PARD3B: variants seen among roughly 807,000 people sequenced by gnomAD.
PARD3B encodes the protein par-3 family cell polarity regulator beta.
In PARD3B, 103 loss-of-function variants were observed where a neutral mutation model predicts 130.2. The observed-to-expected ratio is 0.79, with a 90% CI of 0.67 to 0.93. The LOEUF (loss-of-function observed/expected upper bound fraction) is 0.93. Among genes scored for constraint, PARD3B ranks in the 40% least tolerant of loss-of-function variants. The probability of loss-of-function intolerance (pLI) is 0.00; values close to 1 mark genes in which losing one functional copy is unlikely to be tolerated. For missense variants in PARD3B, 1,609 were observed against 1,499.2 expected (o/e 1.07, Z -1.21); for synonymous variants, 583 against 553.2 (o/e 1.05, Z -0.76).
intron 2 of PARD3B, among the ~76,000 whole-genome samples, chr2:204,738,582 A>G (rs1037001325): frequency 3.3e-5 from 5 of 152,214 alleles, no homozygotes; most frequent in African/African-American, 9.6e-5. Flanking sequence ...TGAGTTCTCT[A>G]ATTAGGGTCT....
chr2:205,196,552 C>A (rs2036692952), intron 15 of PARD3B, among the ~76,000 whole-genome samples: 1 of 152,022 alleles, frequency 6.6e-6, no homozygotes, highest in Non-Finnish European at 1.5e-5. Flanking sequence ...ATATTTTCAT[C>A]ATTTCTTCTT....
intron 22 of PARD3B, among the ~76,000 whole-genome samples, chr2:205,583,400 T>TGC (rs1553553120): frequency 1.9e-4 from 26 of 133,890 alleles, no homozygotes; most frequent in African/African-American, 6.6e-4. Flanking sequence ...TGTGTGTGTG[T>TGC]GCGCGCGCAC....
intron 1 of PARD3B, among the ~76,000 whole-genome samples, chr2:204,567,667 T>A (rs914443247): frequency 1.3e-5 from 2 of 152,234 alleles, no homozygotes; most frequent in African/African-American, 4.8e-5. Context: ...AGTGCCACTG[T>A]GAACATGAGT....
chr2:204,709,513 C>T (rs948003544), intron 2 of PARD3B, among the ~76,000 whole-genome samples: 1 of 152,120 alleles, frequency 6.6e-6, no homozygotes, highest in Non-Finnish European at 1.5e-5. Context: ...TCTTTTATGA[C>T]CTCTAGGTTA....
intron 20 of PARD3B, among the ~76,000 whole-genome samples, chr2:205,487,908 TATC>T (rs2049507888): frequency 1.3e-5 from 2 of 152,358 alleles, no homozygotes; most frequent in East Asian, 3.9e-4. Context: ...GTATTAGTGT[TATC>T]ATTAATTTGT....
At chr2:204,865,103 C>T (rs1030050439) in intron 2 of PARD3B, among the ~76,000 whole-genome samples, 4 of 151,668 alleles carry the variant, frequency 2.6e-5, no homozygotes, top group East Asian at 1.9e-4. Flanking sequence ...CATGCAAGAA[C>T]GGCCATAATA....
chr2:205,566,629 C>G (rs573649124), intron 22 of PARD3B, among the ~76,000 whole-genome samples: 2 of 152,112 alleles, frequency 1.3e-5, no homozygotes, highest in Non-Finnish European at 2.9e-5. Flanking sequence ...CAAAAGGAGA[C>G]CACTGAAATG....
intron 2 of PARD3B, among the ~76,000 whole-genome samples, chr2:204,783,555 A>C (rs2041912052): frequency 6.6e-6 from 1 of 152,192 alleles, no homozygotes; most frequent in Non-Finnish European, 1.5e-5. Context: ...AAATACCTAC[A>C]GAGCACTTTC....
intron 1 of PARD3B, among the ~76,000 whole-genome samples, chr2:204,608,358 C>T (rs1001644921): frequency 1.4e-4 from 21 of 152,116 alleles, no homozygotes; most frequent in East Asian, 7.7e-4. Flanking sequence ...GCTTTTTTCC[C>T]GGGAAAGAAA....
At chr2:205,444,331 G>A (rs1681243269) in intron 20 of PARD3B, among the ~76,000 whole-genome samples, 1 of 152,198 alleles carries the variant, frequency 6.6e-6, no homozygotes, top group East Asian at 1.9e-4. Context: ...GTATGCACCT[G>A]TAGTCCAACC....
Position 205,125,222 on chromosome 2 carries a change from C to T in PARD3B, c.1306-387C>T, listed in dbSNP as rs996255921. ...ACCTGCAGGATTCTATTGCTAGGTT[C>T]GTATTTGCAGAGAAATTTGCCTTGT... On this transcript the variant is annotated intron_variant, in intron 9 of 22. Transcript: ENST00000406610. The surrounding 1 kb of genome is among the most constrained non-coding windows in gnomAD (Gnocchi z 4.0). 6.6e-6 allele frequency among the ~76,000 whole-genome samples: 1 copy of T among 152,166 alleles called. No homozygotes were observed. Among genetic ancestry groups the T allele is most frequent in the Admixed American group, 6.5e-5 (1 of 15,282 alleles).
chr2:204,948,508 G>A (rs187793163), intron 2 of PARD3B, among the ~76,000 whole-genome samples: 6 of 152,204 alleles, frequency 3.9e-5, no homozygotes, highest in Admixed American at 2.0e-4. Flanking sequence ...CTAGATAAAT[G>A]GGTTCACCTT....
At chr2:205,141,317 G>T (rs375228769) in intron 10 of PARD3B, among the ~76,000 whole-genome samples, 1 of 152,180 alleles carries the variant, frequency 6.6e-6, no homozygotes, top group Non-Finnish European at 1.5e-5. Context: ...AACTGTCAGA[G>T]CAACTTTTAG....
intron 18 of PARD3B, among the ~76,000 whole-genome samples, chr2:205,385,725 G>A (rs1233325505): frequency 2.6e-5 from 4 of 152,014 alleles, no homozygotes; most frequent in Non-Finnish European, 5.9e-5. Context: ...ATTAGTTGAG[G>A]CCTAGGCTAG....
chr2:205,401,401 C>CT (rs1025219562), intron 19 of PARD3B, among the ~76,000 whole-genome samples: 30 of 151,470 alleles, frequency 2.0e-4, no homozygotes, highest in African/African-American at 4.6e-4. Flanking sequence ...TTCTCCATGT[C>CT]TTTTTTTTTC....
At chr2:204,758,609 C>G (rs1033677498) in intron 2 of PARD3B, among the ~76,000 whole-genome samples, 10 of 152,092 alleles carry the variant, frequency 6.6e-5, no homozygotes, top group Admixed American at 3.3e-4. Context: ...AACGTTTCTC[C>G]AGGTATGAGT....
chr2:205,434,515 A>G (rs896072487), intron 19 of PARD3B, among the ~76,000 whole-genome samples: 3 of 152,198 alleles, frequency 2.0e-5, no homozygotes, highest in African/African-American at 4.8e-5. Context: ...GTTTTCTACA[A>G]AGTGACATAT....
At chr2:204,665,587 T>A (rs2035988052) in intron 1 of PARD3B, among the ~76,000 whole-genome samples, 1 of 152,208 alleles carries the variant, frequency 6.6e-6, no homozygotes, top group Non-Finnish European at 1.5e-5. Context: ...GCTATGATCT[T>A]GGCTGTGCCA....
intron 2 of PARD3B, among the ~76,000 whole-genome samples, chr2:204,797,295 T>G (rs1466585624): frequency 6.6e-6 from 1 of 152,316 alleles, no homozygotes; most frequent in South Asian, 2.1e-4. Flanking sequence ...AATAACTTTT[T>G]CAATTAAAAT....
Sources: allele counts gnomAD v4.1 joint callset (sites outside exome capture counted in the v4.1 genomes callset), GRCh38; gene constraint gnomAD v4.1.1; non-coding constraint Gnocchi (gnomAD v3.1); transcripts MANE v1.5; gene names NCBI Gene and HGNC (gene_info 2026-07-23, HGNC 2026-07-21).